Variants in BICC1 observed in about 807,000 individuals in gnomAD.
BICC1 encodes BicC family RNA binding protein 1.
A neutral mutation model predicts 111.0 loss-of-function variants in BICC1; 43 were observed. The observed-to-expected ratio is 0.39, with a 90% CI of 0.30 to 0.50. The LOEUF (loss-of-function observed/expected upper bound fraction) is 0.50. Among genes scored for constraint, BICC1 ranks in the 20% least tolerant of loss-of-function variants. BICC1 has a pLI of 0.88. For synonymous variants in BICC1, 467 were observed against 434.4 expected (o/e 1.07, Z -0.93); for missense variants, 1,091 against 1,203.2 (o/e 0.91, Z 1.38).
At chr10:58,541,122 CTT>C (rs1282194949) in intron 1 of BICC1, among the ~76,000 whole-genome samples, 1 of 152,068 alleles carries the variant, frequency 6.6e-6, no homozygotes, top group Admixed American at 6.6e-5. Flanking sequence ...AAACTGAATC[CTT>C]TCTCTTTAAG....
chr10:58,799,280 G>A (rs1190244148), intron 12 of BICC1, 28 bp downstream of exon 12: 3 of 1,541,344 alleles, frequency 1.9e-6, no homozygotes, highest in Non-Finnish European at 2.6e-6. Context: ...GAATGTGTGT[G>A]TGATCTGTAC....
chr10:58,736,705 A>G (rs1841479079), intron 3 of BICC1, among the ~76,000 whole-genome samples: 1 of 152,204 alleles, frequency 6.6e-6, no homozygotes. Context: ...CTGTGTATAA[A>G]AATACATATG....
intron 1 of BICC1, among the ~76,000 whole-genome samples, chr10:58,578,972 A>G (rs1392452234): frequency 6.6e-6 from 1 of 152,230 alleles, no homozygotes; most frequent in African/African-American, 2.4e-5. Flanking sequence ...AAGTGGCTAT[A>G]TGAAACAAAT....
At chr10:58,552,484 C>T (rs1658448) in intron 1 of BICC1, among the ~76,000 whole-genome samples, 65,919 of 151,622 alleles carry the variant, frequency 0.43, 16,153 homozygotes, top group Admixed American at 0.62. Flanking sequence ...TACAGGTGCC[C>T]GCCACCACAC....
In BICC1 at chr10:58,706,718, G is replaced by T. The variant is rs56994929; in HGVS notation, c.307+4575G>T. Among the ~76,000 whole-genome samples, 447 of 152,112 alleles carry T rather than the reference G, an allele frequency of 2.9e-3. 3 individuals are homozygous for T. Among genetic ancestry groups the T allele is most frequent in the African/African-American group, 9.3e-3 (386 of 41,484 alleles). On this transcript the variant is annotated intron_variant, in intron 3 of 20. Transcript: ENST00000373886. Reference sequence around the variant, plus strand: ...CTGTTTGAAAGTTCTTCCTTCCCACGCCCTCTCTCCCCTGCTGCCATGTAA... The same window carrying T: ...CTGTTTGAAAGTTCTTCCTTCCCACTCCCTCTCTCCCCTGCTGCCATGTAA...
intron 10 of BICC1, among the ~76,000 whole-genome samples, chr10:58,797,079 A>G (rs1843380067): frequency 6.6e-6 from 1 of 152,180 alleles, no homozygotes; most frequent in Non-Finnish European, 1.5e-5. Flanking sequence ...AACAAACGTC[A>G]TCATCTCAGA....
At chr10:58,514,586 G>GGATGTGC (rs1426216436) in intron 1 of BICC1, among the ~76,000 whole-genome samples, 1 of 152,114 alleles carries the variant, frequency 6.6e-6, no homozygotes, top group Non-Finnish European at 1.5e-5. Flanking sequence ...GACGTTTTTT[G>GGATGTGC]GATGTGCTAC....
chr10:58,620,845 T>G lies in BICC1; in HGVS notation c.191-10T>G. On this transcript the variant is annotated splice_polypyrimidine_tract_variant and intron_variant, in intron 1 of 20. Transcript: ENST00000373886. ...AAAAGTATTTTAAATGTGCACATTT[T>G]TATTTACAGCTGCTGCTGAAGGGAA... 1 of 1,611,382 alleles carries G rather than the reference T, an allele frequency of 6.2e-7. No individual in the cohort carries two copies. Among genetic ancestry groups the G allele is most frequent in the Non-Finnish European group, 8.5e-7 (1 of 1,179,286 alleles).
At chr10:58,769,404 G>GTGTA (rs1050060686) in intron 3 of BICC1, among the ~76,000 whole-genome samples, 129 of 109,758 alleles carry the variant, frequency 1.2e-3, no homozygotes, top group African/African-American at 3.6e-3. Flanking sequence ...GTGTGTGTGT[G>GTGTA]TATATATATA....
chr10:58,701,987 G>T, intron 2 of BICC1, 87 bp from the exon 3 acceptor site: 1 of 1,008,390 alleles, frequency 9.9e-7, no homozygotes. Flanking sequence ...TTAGGAACTT[G>T]AAAATAAACT....
At chr10:58,578,453 C>T (rs944186515) in intron 1 of BICC1, among the ~76,000 whole-genome samples, 8 of 152,118 alleles carry the variant, frequency 5.3e-5, no homozygotes, top group African/African-American at 1.7e-4. Context: ...TGTATTGTTC[C>T]GGCTAATCCA....
chr10:58,779,820 C>A (rs528349391), intron 3 of BICC1, among the ~76,000 whole-genome samples: 1 of 152,180 alleles, frequency 6.6e-6, no homozygotes, highest in Non-Finnish European at 1.5e-5. Context: ...CTTTTCCTAG[C>A]TTTTCCCTAT....
chr10:58,649,021 T>G (rs1289337045), intron 2 of BICC1, among the ~76,000 whole-genome samples: 1 of 152,158 alleles, frequency 6.6e-6, no homozygotes, highest in African/African-American at 2.4e-5. Context: ...CAACAGCCAC[T>G]ATTACAAACC....
chr10:58,647,943 A>G (rs1000554781), intron 2 of BICC1, among the ~76,000 whole-genome samples: 1 of 152,190 alleles, frequency 6.6e-6, no homozygotes, highest in Non-Finnish European at 1.5e-5. Flanking sequence ...AGTGTTGTAA[A>G]CTGTTGGAGA....
At chr10:58,675,561 A>T (rs922579588) in intron 2 of BICC1, among the ~76,000 whole-genome samples, 1 of 151,602 alleles carries the variant, frequency 6.6e-6, no homozygotes, top group African/African-American at 2.4e-5. Context: ...TGTGGAAAAT[A>T]AAAAAAAATC....
intron 2 of BICC1, among the ~76,000 whole-genome samples, chr10:58,632,471 C>A (rs775707539): frequency 6.6e-6 from 1 of 151,384 alleles, no homozygotes; most frequent in Non-Finnish European, 1.5e-5. Context: ...TCCAGTGTGG[C>A]GAGAGCTTTA....
intron 3 of BICC1, among the ~76,000 whole-genome samples, chr10:58,777,864 G>T (rs1478099359): frequency 6.6e-6 from 1 of 152,098 alleles, no homozygotes; most frequent in Non-Finnish European, 1.5e-5. Flanking sequence ...TTTTTGCACT[G>T]CTTGCTGTCT....
chr10:58,789,267 G>C lies in BICC1; in HGVS notation c.606G>C (p.Leu202=). ...TTCTCATCATTTCATTTTAGGAGCT[G>C]CTTCCTTTGGTGCTGATGTTTGAGC... ...VESARVRIRE[L]LPLVLMFELP... Residue 202 remains leucine (L), a synonymous_variant, in exon 7 of 21, where the codon CTG becomes CTC. Transcript: ENST00000373886. The C allele has an allele frequency of 1.9e-6, 3 of 1,612,678 alleles. No homozygotes were observed. The highest frequency in any genetic ancestry group is 2.5e-6 in the Non-Finnish European group (3 of 1,179,302).
chr10:58,634,361 G>A (rs1055243216), intron 2 of BICC1, among the ~76,000 whole-genome samples: 11 of 152,016 alleles, frequency 7.2e-5, no homozygotes, highest in African/African-American at 1.5e-4. Flanking sequence ...CAGTTCTACC[G>A]TCAGCCATTT....
Sources: gnomAD v4.1 joint callset for allele counts (sites outside exome capture counted in the v4.1 genomes callset) on GRCh38, gnomAD v4.1.1 for gene constraint, MANE v1.5 for transcripts, NCBI Gene and HGNC (gene_info 2026-07-23, HGNC 2026-07-21) for gene names.